Variants in PRKG1 observed in about 807,000 individuals in gnomAD.
The protein encoded by PRKG1 is protein kinase cGMP-dependent 1, also known as cGMP-dependent protein kinase 1.
PRKG1 carries 35 observed loss-of-function variants against 88.1 expected under a neutral mutation model. The ratio of observed to expected loss-of-function variants is 0.40; its 90% CI spans 0.30 to 0.53. PRKG1 has a LOEUF of 0.53. Among genes scored for constraint, PRKG1 ranks in the 20% least tolerant of loss-of-function variants. The pLI is 0.59. For synonymous variants in PRKG1, 303 were observed against 292.5 expected (o/e 1.04, Z -0.37); for missense variants, 540 against 839.8 (o/e 0.64, Z 4.41).
chr10:51,985,052 G>A (rs768954408), intron 5 of PRKG1, among the ~76,000 whole-genome samples: 1 of 151,974 alleles, frequency 6.6e-6, no homozygotes, highest in African/African-American at 2.4e-5. Flanking sequence ...AAATACCATA[G>A]GACATATATT....
At chr10:51,454,213 T>C (rs1245656292) in intron 2 of PRKG1, among the ~76,000 whole-genome samples, 1 of 151,870 alleles carries the variant, frequency 6.6e-6, no homozygotes, top group Non-Finnish European at 1.5e-5. Context: ...CAAAATACCA[T>C]CAGTGTTCTT....
intron 3 of PRKG1, chr10:51,699,409 C>T (rs1269414096): frequency 5.0e-6 from 8 of 1,614,050 alleles, no homozygotes; most frequent in Middle Eastern, 3.3e-4. Context: ...TATCGTATAC[C>T]AGCCGGAAAC....
At chr10:51,471,655 G>A (rs949317878) in intron 3 of PRKG1, among the ~76,000 whole-genome samples, 2 of 151,806 alleles carry the variant, frequency 1.3e-5, no homozygotes, top group African/African-American at 4.8e-5. Flanking sequence ...ACAATGAGAG[G>A]GATTCAGTGA....
At chr10:52,170,898 C>A (rs12263689) in intron 9 of PRKG1, among the ~76,000 whole-genome samples, 1 of 152,092 alleles carries the variant, frequency 6.6e-6, no homozygotes, top group Non-Finnish European at 1.5e-5. Context: ...TCAGACAGAA[C>A]GGCTGCTGTT....
chr10:51,531,619 C>A (rs192658903), intron 3 of PRKG1, among the ~76,000 whole-genome samples: 1 of 141,844 alleles, frequency 7.1e-6, no homozygotes, highest in Admixed American at 7.1e-5. Context: ...GACATTGTTT[C>A]GGACTACAAA....
At chr10:52,250,523 G>C (rs1445856238) in intron 9 of PRKG1, among the ~76,000 whole-genome samples, 4 of 152,120 alleles carry the variant, frequency 2.6e-5, no homozygotes, top group Admixed American at 2.6e-4. Flanking sequence ...TACATAAATA[G>C]GCTGTGTTAG....
chr10:51,785,531 A>G (rs535550912), intron 3 of PRKG1, among the ~76,000 whole-genome samples: 42 of 152,196 alleles, frequency 2.8e-4, no homozygotes, highest in African/African-American at 8.7e-4. Flanking sequence ...CTTAATGTCT[A>G]TCTATTATAT....
intron 2 of PRKG1, among the ~76,000 whole-genome samples, chr10:51,342,263 C>T (rs1842019472): frequency 6.6e-6 from 1 of 152,136 alleles, no homozygotes; most frequent in African/African-American, 2.4e-5. Flanking sequence ...ATGTGTACAA[C>T]AGCGGGTAAT....
intron 7 of PRKG1, among the ~76,000 whole-genome samples, chr10:52,073,256 G>T (rs547970012): frequency 1.3e-5 from 2 of 152,270 alleles, no homozygotes; most frequent in Admixed American, 6.5e-5. Context: ...ACCTTAACTT[G>T]ATCATATCTG....
chr10:51,349,760 G>A (rs1371612180), intron 2 of PRKG1, among the ~76,000 whole-genome samples: 1 of 152,038 alleles, frequency 6.6e-6, no homozygotes. Context: ...GGCTGCCTCA[G>A]TCTCCCAAAG....
intron 1 of PRKG1, among the ~76,000 whole-genome samples, chr10:51,078,580 A>T (rs1428945905): frequency 7.6e-6 from 1 of 132,106 alleles, no homozygotes; most frequent in Non-Finnish European, 1.6e-5. Flanking sequence ...GAGGATAAAA[A>T]TATTTATTTA....
chr10:51,927,791 A>G (rs976660813), intron 5 of PRKG1, among the ~76,000 whole-genome samples: 2 of 152,168 alleles, frequency 1.3e-5, no homozygotes, highest in African/African-American at 2.4e-5. Context: ...TAAGATTTGT[A>G]TTATCATTTG....
Position 51,477,970 on chromosome 10 carries a change from T to C in PRKG1, c.592+10134T>C, listed in dbSNP as rs1840245804. ...ACAGGTAAGGATATAGTGGCAAAGA[T>C]TGAATGACACAGGCTGGGCATTGAA... On this transcript the variant is annotated intron_variant, in intron 3 of 17. Coordinates refer to ENST00000373980, the MANE Select transcript of PRKG1 (RefSeq NM_006258.4). 1.3e-5 allele frequency among the ~76,000 whole-genome samples: 2 copies of C among 152,022 alleles called. 1 individual carries two copies. The highest frequency in any genetic ancestry group is 4.8e-5 in the African/African-American group (2 of 41,404).
intron 4 of PRKG1, among the ~76,000 whole-genome samples, chr10:51,856,821 C>T (rs1230997105): frequency 6.6e-6 from 1 of 151,926 alleles, no homozygotes; most frequent in East Asian, 1.9e-4. Context: ...AAAAATTAGC[C>T]AGGCATGGTG....
chr10:51,802,974 GCT>G (rs1457290307), intron 3 of PRKG1, among the ~76,000 whole-genome samples: 2 of 152,068 alleles, frequency 1.3e-5, no homozygotes, highest in Non-Finnish European at 2.9e-5. Context: ...TTCCAACTGT[GCT>G]CTTGTTTATG....
intron 3 of PRKG1, among the ~76,000 whole-genome samples, chr10:51,765,815 A>ATTTTTTTTT (rs398046339): frequency 1.3e-4 from 17 of 134,654 alleles, no homozygotes; most frequent in East Asian, 2.5e-4. Flanking sequence ...GCCTTACATG[A>ATTTTTTTTT]TTTTTTTTTT....
intron 3 of PRKG1, among the ~76,000 whole-genome samples, chr10:51,508,484 T>C (rs537564519): frequency 5.9e-5 from 9 of 152,272 alleles, no homozygotes; most frequent in Non-Finnish European, 1.3e-4. Flanking sequence ...GGCATAGATA[T>C]ATAAAATTAG....
At chr10:51,628,980 C>A (rs1442605113) in intron 3 of PRKG1, among the ~76,000 whole-genome samples, 73 of 115,954 alleles carry the variant, frequency 6.3e-4, no homozygotes, top group Non-Finnish European at 7.0e-4. Context: ...AAAAAAAAAA[C>A]AAAAACAAAA....
chr10:51,183,680 AT>A lies in PRKG1; in HGVS notation c.478+30358del, dbSNP rs367719645. Among the ~76,000 whole-genome samples the A allele has an allele frequency of 1.6e-3, 246 of 152,066 alleles. 2 individuals are homozygous for A. The East Asian group carries it at 0.024, about 15-fold the overall frequency. On this transcript the variant is annotated intron_variant, in intron 2 of 17. Coordinates refer to ENST00000373980, the MANE Select transcript of PRKG1 (RefSeq NM_006258.4). The stretch of plus-strand genomic sequence containing the variant: ...TGACATTCCATTGCATTTCCATTGC[AT>A]TTTTTTTCTACTTGCCTATATTTAT...
Sources: gnomAD v4.1 joint callset for allele counts (sites outside exome capture counted in the v4.1 genomes callset) on GRCh38, gnomAD v4.1.1 for gene constraint, MANE v1.5 for transcripts, NCBI Gene and HGNC (gene_info 2026-07-23, HGNC 2026-07-21) for gene names.